The following RALGAPA1 variants were observed in gnomAD, a reference collection of about 807,000 sequenced individuals.
The protein encoded by RALGAPA1 is Ral GTPase activating protein catalytic subunit alpha 1.
Under a neutral mutation model 269.6 loss-of-function variants are expected in RALGAPA1, and 52 were observed. That is an observed-to-expected ratio of 0.19 (90% CI 0.15 to 0.24). The LOEUF (loss-of-function observed/expected upper bound fraction) is 0.24. RALGAPA1 is among the 10% of genes least tolerant of loss of function. The pLI is 1.00. For synonymous variants in RALGAPA1, 817 were observed against 1,008.3 expected (o/e 0.81, Z 3.60); for missense variants, 1,917 against 3,013.9 (o/e 0.64, Z 8.52).
chr14:35,601,893 A>C (rs759739780), intron 36 of RALGAPA1, among the ~76,000 whole-genome samples: 1 of 152,170 alleles, frequency 6.6e-6, no homozygotes, highest in Non-Finnish European at 1.5e-5. Flanking sequence ...AGTTAAGTGC[A>C]ATCATCACTA....
intron 19 of RALGAPA1, 118 bp downstream of exon 19, chr14:35,686,424 G>T: frequency 1.3e-6 from 1 of 746,020 alleles, no homozygotes; most frequent in Non-Finnish European, 1.9e-6. Flanking sequence ...TATATTTTGA[G>T]GAAAGGTTAT....
chr14:35,580,968 A>C (rs1394799768), intron 37 of RALGAPA1, among the ~76,000 whole-genome samples: 2 of 152,020 alleles, frequency 1.3e-5, no homozygotes, highest in African/African-American at 4.8e-5. Context: ...ATGGATTAAC[A>C]CACCTAAAGA....
intron 16 of RALGAPA1, among the ~76,000 whole-genome samples, chr14:35,709,827 CT>C (rs2068138628): frequency 6.6e-6 from 1 of 152,130 alleles, no homozygotes; most frequent in South Asian, 2.1e-4. Context: ...GTCGTTTAAT[CT>C]CCAAGTATTT....
chr14:35,677,895 C>T lies in RALGAPA1; in HGVS notation c.4624+55G>A, dbSNP rs559541466. The T allele has an allele frequency of 1.8e-5, 28 of 1,522,656 alleles. No individual in the cohort carries two copies. The African/African-American group carries it at 3.0e-4, about 16-fold the overall frequency. 94.3% of individuals were successfully genotyped at this position (1,522,656 alleles called of 1,614,324 possible). ...ATGTAAGATGCCTTATTTATGATCTCCTGACACTGACGCCCTAAAAGAAAA... is the reference window on the plus strand; with the variant it reads ...ATGTAAGATGCCTTATTTATGATCTTCTGACACTGACGCCCTAAAAGAAAA... On this transcript the variant is annotated intron_variant, in intron 22 of 41. Coordinates refer to ENST00000680220, the MANE Select transcript of RALGAPA1 (RefSeq NM_001346249.2).
chr14:35,764,920 C>T (rs1180007835), intron 4 of RALGAPA1, among the ~76,000 whole-genome samples: 1 of 152,130 alleles, frequency 6.6e-6, no homozygotes, highest in Non-Finnish European at 1.5e-5. Flanking sequence ...TAAAGAAATC[C>T]TTCCTTACAT....
intron 37 of RALGAPA1, among the ~76,000 whole-genome samples, chr14:35,576,906 A>G (rs1277282533): frequency 4.6e-5 from 7 of 152,234 alleles, no homozygotes; most frequent in Admixed American, 4.6e-4. Context: ...ATATGATTAT[A>G]CAATCACTCA....
Position 35,627,909 on chromosome 14 carries a change from C to A in RALGAPA1, c.6038G>T (p.Arg2013Leu). The A allele has an allele frequency of 6.4e-7, 1 of 1,552,742 alleles. No individual in the cohort carries two copies. Among genetic ancestry groups the A allele is most frequent in the Non-Finnish European group, 8.7e-7 (1 of 1,152,634 alleles). ...MQHGLISIAARTVITHLVNHL... is the reference protein window; with the variant it reads ...MQHGLISIAALTVITHLVNHL... ...ATTTACCAGATGTGTAATAACAGTG[C>A]GGGCTGCTATAGAGATTAATCCATG... Residue 2013 changes from arginine (R) to leucine (L), a missense_variant, in exon 34 of 42, where the codon CGC (arginine) becomes CTC (leucine). Coordinates refer to ENST00000680220, the MANE Select transcript of RALGAPA1 (RefSeq NM_001346249.2).
intron 35 of RALGAPA1, among the ~76,000 whole-genome samples, chr14:35,621,910 TTGG>T (rs1382215230): frequency 6.6e-6 from 1 of 152,184 alleles, no homozygotes; most frequent in Non-Finnish European, 1.5e-5. Context: ...TTTTACACTG[TTGG>T]TGGGAGTGTA....
At chr14:35,641,081 G>A (rs1254672253) in intron 31 of RALGAPA1, among the ~76,000 whole-genome samples, 1 of 152,094 alleles carries the variant, frequency 6.6e-6, no homozygotes, top group Non-Finnish European at 1.5e-5. Context: ...AAACTGGGAA[G>A]GAACACACCT....
chr14:35,750,903 T>C (rs553171907), intron 8 of RALGAPA1, among the ~76,000 whole-genome samples: 1 of 152,218 alleles, frequency 6.6e-6, no homozygotes, highest in Non-Finnish European at 1.5e-5. Context: ...TGGAAACATG[T>C]ATTTTTACAA....
At chr14:35,638,655 C>T (rs1031177719) in intron 31 of RALGAPA1, among the ~76,000 whole-genome samples, 14 of 151,902 alleles carry the variant, frequency 9.2e-5, no homozygotes, top group South Asian at 2.1e-4. Context: ...CTGGGCACGG[C>T]GGCTCACACC....
chr14:35,777,831 G>T (rs2075148583), intron 1 of RALGAPA1, among the ~76,000 whole-genome samples: 2 of 152,050 alleles, frequency 1.3e-5, no homozygotes, highest in Admixed American at 6.6e-5. Context: ...TTACAGGTGT[G>T]AGCCACTGTG....
chr14:35,681,416 T>G (rs1227448204), intron 21 of RALGAPA1, among the ~76,000 whole-genome samples: 1 of 152,208 alleles, frequency 6.6e-6, no homozygotes, highest in African/African-American at 2.4e-5. Context: ...ATATTAAAAT[T>G]TCTTAGAAGT....
chr14:35,801,649 C>A (rs771402903), intron 1 of RALGAPA1, among the ~76,000 whole-genome samples: 4 of 152,162 alleles, frequency 2.6e-5, no homozygotes, highest in Admixed American at 6.6e-5. Flanking sequence ...TAGATGAAAT[C>A]TTCTGTTTAT....
chr14:35,665,784 T>C (rs762739277), intron 26 of RALGAPA1, among the ~76,000 whole-genome samples: 12 of 152,132 alleles, frequency 7.9e-5, no homozygotes, highest in Non-Finnish European at 1.2e-4. Context: ...TGAAAGAGAT[T>C]AGCTGAGAGT....
chr14:35,728,284 GAC>G lies in RALGAPA1; in HGVS notation c.1736+76_1736+77del, dbSNP rs2070154232. ...ATACTGTAAACAAACCCTCTTCACA[GAC>G]ACTATTTCTCTAAAAATTACTATAC... On this transcript the variant is annotated intron_variant, in intron 13 of 41. Transcript: ENST00000680220. 11 of 1,277,868 alleles carry G rather than the reference GAC, an allele frequency of 8.6e-6. No individual in the cohort carries two copies. In the South Asian group the frequency reaches 2.9e-4, roughly 34 times the overall value. The allele number at this position is 1,277,868 out of a possible 1,614,324, so 79.2% of individuals were successfully genotyped here. A position where few individuals can be genotyped will look rare whatever the true frequency, so the allele number is the denominator to read the frequency against.
intron 35 of RALGAPA1, among the ~76,000 whole-genome samples, chr14:35,613,704 G>A (rs533809730): frequency 7.2e-5 from 11 of 152,060 alleles, no homozygotes; most frequent in African/African-American, 1.2e-4. Context: ...GTTTCTTCAC[G>A]TGGCTTTCTT....
chr14:35,647,923 G>C (rs951815993), intron 31 of RALGAPA1, among the ~76,000 whole-genome samples: 1 of 151,832 alleles, frequency 6.6e-6, no homozygotes, highest in African/African-American at 2.4e-5. Context: ...ACTCCAGCCT[G>C]GGTGACACAG....
chr14:35,690,794 G>A (rs1009248363), intron 17 of RALGAPA1, among the ~76,000 whole-genome samples: 1 of 152,068 alleles, frequency 6.6e-6, no homozygotes, highest in Non-Finnish European at 1.5e-5. Context: ...TATAGGCTGG[G>A]CGCGGTGGCT....
Sources: allele counts gnomAD v4.1 joint callset (sites outside exome capture counted in the v4.1 genomes callset), GRCh38; gene constraint gnomAD v4.1.1; transcripts MANE v1.5; gene names NCBI Gene and HGNC (gene_info 2026-07-23, HGNC 2026-07-21).